The following RIC1 variants were observed in gnomAD, a reference collection of about 807,000 sequenced individuals.
RIC1 encodes guanine nucleotide exchange factor subunit RIC1.
Under a neutral mutation model 169.0 loss-of-function variants are expected in RIC1, and 88 were observed. The observed-to-expected ratio is 0.52, with a 90% CI of 0.44 to 0.62. The LOEUF (loss-of-function observed/expected upper bound fraction) is 0.62. Among genes scored for constraint, RIC1 ranks in the 20% least tolerant of loss-of-function variants. The probability of loss-of-function intolerance (pLI) is 0.00; values close to 1 mark genes in which losing one functional copy is unlikely to be tolerated. For missense variants in RIC1, 1,877 were observed against 1,725.5 expected, an observed-to-expected ratio of 1.09 and a Z score of -1.56; for synonymous variants, 790 against 601.5, an observed-to-expected ratio of 1.31 and a Z score of -4.59.
Position 5,689,343 on chromosome 9 carries a change from G to A in RIC1, c.253-616G>A, listed in dbSNP as rs187800986. ...TGGGATTACAGGTGTGAGCCACCGC[G>A]CCCGGCCTACAATTTGTTGTTAAAA... On this transcript the variant is annotated intron_variant, in intron 2 of 25. Transcript: ENST00000414202. 3.6e-4 allele frequency among the ~76,000 whole-genome samples: 55 copies of A among 152,152 alleles called. No individual in the cohort carries two copies. The East Asian group carries it at 8.7e-3, about 24-fold the overall frequency.
intron 6 of RIC1, among the ~76,000 whole-genome samples, chr9:5,722,011 C>A (rs890968999): frequency 5.9e-5 from 9 of 151,908 alleles, no homozygotes; most frequent in Non-Finnish European, 1.2e-4. Flanking sequence ...GCTTCAGCCT[C>A]CCGAGTTGCT....
At chr9:5,681,475 A>C (rs1820835594) in intron 2 of RIC1, among the ~76,000 whole-genome samples, 1 of 152,086 alleles carries the variant, frequency 6.6e-6, no homozygotes, top group Non-Finnish European at 1.5e-5. Context: ...CTTAATCCTG[A>C]GTTCTAGTTT....
At chr9:5,746,319 A>G (rs988308336) in intron 11 of RIC1, among the ~76,000 whole-genome samples, 11 of 152,010 alleles carry the variant, frequency 7.2e-5, no homozygotes, top group African/African-American at 2.2e-4. Flanking sequence ...ACGGAAAGCA[A>G]TGTTTATATA....
intron 15 of RIC1, 54 bp from the exon 16 acceptor site, chr9:5,756,158 C>A: frequency 2.6e-6 from 3 of 1,156,402 alleles, no homozygotes; most frequent in Non-Finnish European, 2.3e-6. Context: ...AGTATTTGGT[C>A]ATCCCTAGTA....
Position 5,637,769 on chromosome 9 carries a change from A to G in RIC1, c.144+8316A>G, listed in dbSNP as rs546234477. Among the ~76,000 whole-genome samples the G allele has an allele frequency of 1.3e-3, 197 of 152,276 alleles. 2 individuals are homozygous for G. Among genetic ancestry groups the G allele is most frequent in the Non-Finnish European group, 5.7e-4 (39 of 68,022 alleles). On this transcript the variant is annotated intron_variant, in intron 1 of 25. Coordinates refer to ENST00000414202, the MANE Select transcript of RIC1 (RefSeq NM_020829.4). ...AACATAATGACCTCTAGTTCCATCC[A>G]TGTTGTTGTAAATGACCGGATCTCA...
chr9:5,656,039 T>C (rs1438091082), intron 1 of RIC1, among the ~76,000 whole-genome samples: 20 of 152,204 alleles, frequency 1.3e-4, no homozygotes. Context: ...CCAGCTAATT[T>C]TTTTGTATTT....
intron 4 of RIC1, among the ~76,000 whole-genome samples, chr9:5,717,546 A>G (rs764517726): frequency 2.9e-4 from 44 of 152,164 alleles, no homozygotes; most frequent in Non-Finnish European, 4.9e-4. Context: ...TCCAAAGTTA[A>G]AAGTTCAGTT....
intron 14 of RIC1, among the ~76,000 whole-genome samples, chr9:5,754,113 C>T (rs937883713): frequency 6.6e-6 from 1 of 152,082 alleles, no homozygotes; most frequent in Admixed American, 6.6e-5. Flanking sequence ...GTGTGTTAGG[C>T]ATTTTAAGGC....
intron 7 of RIC1, among the ~76,000 whole-genome samples, chr9:5,738,168 C>G (rs1824846282): frequency 6.6e-6 from 1 of 152,062 alleles, no homozygotes; most frequent in Non-Finnish European, 1.5e-5. Context: ...CCTCATGTTG[C>G]TAGATAGGCT....
intron 6 of RIC1, among the ~76,000 whole-genome samples, chr9:5,730,410 C>T (rs959061904): frequency 1.1e-4 from 16 of 152,122 alleles, no homozygotes; most frequent in African/African-American, 3.9e-4. Context: ...TATGCAACAA[C>T]ACAGATAGAT....
At chr9:5,762,033 G>C (rs934485783) in intron 17 of RIC1, among the ~76,000 whole-genome samples, 1 of 152,118 alleles carries the variant, frequency 6.6e-6, no homozygotes, top group Non-Finnish European at 1.5e-5. Context: ...CTGGCTTTCT[G>C]AATCCTCCTT....
intron 3 of RIC1, among the ~76,000 whole-genome samples, chr9:5,703,335 T>A (rs1289960547): frequency 6.6e-6 from 1 of 152,126 alleles, no homozygotes; most frequent in African/African-American, 2.4e-5. Flanking sequence ...TTCTTAAAGC[T>A]CCAAAATAAC....
At chr9:5,752,068 G>T (rs574745707) in intron 12 of RIC1, among the ~76,000 whole-genome samples, 1 of 152,274 alleles carries the variant, frequency 6.6e-6, no homozygotes, top group South Asian at 2.1e-4. Flanking sequence ...AAACTAATCA[G>T]CAGGCTAGAG....
intron 2 of RIC1, among the ~76,000 whole-genome samples, chr9:5,677,832 T>A (rs1375630913): frequency 2.0e-5 from 3 of 152,038 alleles, no homozygotes; most frequent in Non-Finnish European, 4.4e-5. Context: ...TTTCTCACCA[T>A]GTTTACTCTT....
At chr9:5,673,517 T>C (rs987668929) in intron 2 of RIC1, among the ~76,000 whole-genome samples, 12 of 139,048 alleles carry the variant, frequency 8.6e-5, no homozygotes, top group Non-Finnish European at 1.8e-4. Flanking sequence ...AAAATATATA[T>C]GCACCAAAAC....
chr9:5,776,387 A>G lies in RIC1; in HGVS notation c.*2141A>G, dbSNP rs541739261. The G allele has an allele frequency of 2.0e-5, 3 of 152,236 alleles. No homozygotes were observed. Among genetic ancestry groups the G allele is most frequent in the South Asian group, 2.1e-4 (1 of 4,830 alleles). 9.4% of individuals were successfully genotyped at this position (152,236 alleles called of 1,614,324 possible). On this transcript the variant is annotated 3_prime_UTR_variant, in exon 26 of 26. Transcript: ENST00000414202. ...CCAATGAATTTAAATATTCAGTATAACTATTTGAGGTTTACTAGATGCATT... is the reference window on the plus strand; with the variant it reads ...CCAATGAATTTAAATATTCAGTATAGCTATTTGAGGTTTACTAGATGCATT...
At chr9:5,633,932 C>T (rs1817845580) in intron 1 of RIC1, among the ~76,000 whole-genome samples, 1 of 152,162 alleles carries the variant, frequency 6.6e-6, no homozygotes, top group Admixed American at 6.5e-5. Context: ...AATCATCGTT[C>T]TATTCTCTGT....
Position 5,720,669 on chromosome 9 carries a change from C to T in RIC1, c.639C>T (p.Ala213=), listed in dbSNP as rs2130865025. The stretch of plus-strand genomic sequence containing the variant: ...ACATCAGAGACATGGAATACTGTGC[C>T]ACACTTGATGGGTTTGCTGTTGTAT... The part of the protein sequence containing the change: ...DVHIRDMEYC[A]TLDGFAVVFN... The change falls in exon 6 of 26, where the codon GCC becomes GCT. Residue 213 remains alanine, a synonymous_variant. Transcript: ENST00000414202. 1 of 1,612,236 alleles carries T rather than the reference C, an allele frequency of 6.2e-7. No homozygotes were observed. The highest frequency in any genetic ancestry group is 2.2e-5 in the East Asian group (1 of 44,830).
At chr9:5,743,554 T>A (rs762741011) in intron 9 of RIC1, 135 bp from the exon 10 acceptor site, 2 of 697,084 alleles carry the variant, frequency 2.9e-6, no homozygotes, top group Non-Finnish European at 4.8e-6. Context: ...ACCCACAGTT[T>A]TGTATTTCAT....
Sources: gnomAD v4.1 joint callset for allele counts (sites outside exome capture counted in the v4.1 genomes callset) on GRCh38, gnomAD v4.1.1 for gene constraint, MANE v1.5 for transcripts, NCBI Gene and HGNC (gene_info 2026-07-23, HGNC 2026-07-21) for gene names.